ATP2C1: variants seen among roughly 807,000 people sequenced by gnomAD.
The protein encoded by ATP2C1 is ATPase secretory pathway Ca2+ transporting 1.
ATP2C1 carries 31 observed loss-of-function variants against 120.5 expected under a neutral mutation model. That is an observed-to-expected ratio of 0.26 (90% confidence interval 0.19 to 0.35). The LOEUF (loss-of-function observed/expected upper bound fraction) is 0.35. Ranked by LOEUF, ATP2C1 falls within the 10% of genes least tolerant of loss-of-function variation. The pLI is 1.00. For synonymous variants in ATP2C1, 351 were observed against 358.7 expected (o/e 0.98, Z 0.24); for missense variants, 731 against 1,107.5 (o/e 0.66, Z 4.83).
chr3:130,863,719 C>T (rs994239308), intron 1 of ATP2C1, among the ~76,000 whole-genome samples: 1 of 152,168 alleles, frequency 6.6e-6, no homozygotes, highest in African/African-American at 2.4e-5. Context: ...CCATGCTATT[C>T]TCATTATAGT....
chr3:130,993,033 C>A, intron 21 of ATP2C1, 32 bp downstream of exon 21: 1 of 1,580,750 alleles, frequency 6.3e-7, no homozygotes, highest in Non-Finnish European at 8.7e-7. Context: ...TGTTTTATTT[C>A]TGTATACAAA....
At chr3:130,932,891 G>C (rs2059509633) in intron 4 of ATP2C1, among the ~76,000 whole-genome samples, 1 of 152,090 alleles carries the variant, frequency 6.6e-6, no homozygotes. Flanking sequence ...AAATTTGCCA[G>C]GCTTAATTTT....
chr3:130,895,385 G>A (rs1314983945), intron 2 of ATP2C1, among the ~76,000 whole-genome samples: 2 of 152,166 alleles, frequency 1.3e-5, no homozygotes, highest in Non-Finnish European at 2.9e-5. Context: ...TGTACACTTT[G>A]GACACATTAG....
At chr3:130,894,012 C>G (rs989254721), upstream of ATP2C1, 2 of 986,418 alleles carry the variant, frequency 2.0e-6, no homozygotes, top group Non-Finnish European at 2.4e-6. The surrounding 1 kb of genome is among the most constrained non-coding windows in gnomAD (Gnocchi z 4.5). Context: ...TCGCGGCTGG[C>G]CCAGGAGTGC....
At chr3:130,873,379 A>G (rs1038673166) in intron 1 of ATP2C1, among the ~76,000 whole-genome samples, 1 of 152,218 alleles carries the variant, frequency 6.6e-6, no homozygotes, top group Admixed American at 6.5e-5. Flanking sequence ...GAAGCAATTA[A>G]TGAAATCTAG....
exon 27 of ATP2C1, chr3:131,016,439 A>T: frequency 1.5e-6 from 2 of 1,346,760 alleles, no homozygotes; most frequent in African/African-American, 1.5e-5. Context: ...AAAGAAATTA[A>T]TTTAAAAAAA....
chr3:131,003,098 C>T lies in ATP2C1; in HGVS notation c.*1748C>T. On this transcript the variant is annotated 3_prime_UTR_variant, in exon 28 of 28. Coordinates refer to ENST00000510168, the MANE Select transcript of ATP2C1 (RefSeq NM_001378687.1). ...TATGACTTGATTGAAATAAATGTGC[C>T]TATACATTCATTTGCTTTGTACTAT... 1.0e-6 allele frequency: 1 copy of T among 982,846 alleles called. No homozygotes were observed. The highest frequency in any genetic ancestry group is 1.2e-6 in the Non-Finnish European group (1 of 827,260). 60.9% of individuals were successfully genotyped at this position (982,846 alleles called of 1,614,324 possible).
At chr3:130,976,698 C>A (rs1027734332) in intron 18 of ATP2C1, among the ~76,000 whole-genome samples, 1 of 152,150 alleles carries the variant, frequency 6.6e-6, no homozygotes, top group African/African-American at 2.4e-5. Flanking sequence ...TGGATCCCCC[C>A]ACCTCAGTCC....
chr3:130,923,357 G>C (rs1177749606), intron 2 of ATP2C1, among the ~76,000 whole-genome samples: 1 of 151,830 alleles, frequency 6.6e-6, no homozygotes, highest in East Asian at 1.9e-4. Context: ...CTCCCGAGTA[G>C]CTGGGATTAC....
chr3:130,959,665 A>G (rs746736632), intron 12 of ATP2C1: 14 of 161,330 alleles, frequency 8.7e-5, no homozygotes, highest in Non-Finnish European at 4.1e-5. Context: ...AAATTGAATA[A>G]TCAATTTCAG....
intron 1 of ATP2C1, among the ~76,000 whole-genome samples, chr3:130,879,983 C>A (rs913485213): frequency 6.6e-6 from 1 of 152,002 alleles, no homozygotes; most frequent in Admixed American, 6.6e-5. Flanking sequence ...GATAGTGAAC[C>A]CTCATGTGGT....
intron 26 of ATP2C1, among the ~76,000 whole-genome samples, chr3:131,013,101 A>G (rs189354468): frequency 8.5e-5 from 13 of 152,302 alleles, no homozygotes; most frequent in East Asian, 7.7e-4. Flanking sequence ...ATCTTGCCCA[A>G]TGCATTTATT....
intron 2 of ATP2C1, among the ~76,000 whole-genome samples, chr3:130,901,929 C>T (rs749111532): frequency 6.6e-6 from 1 of 152,032 alleles, no homozygotes; most frequent in Non-Finnish European, 1.5e-5. Context: ...ATGCTACTGG[C>T]ATCCAGTGTG....
intron 8 of ATP2C1, 93 bp from the exon 9 acceptor site, chr3:130,953,728 G>T: frequency 7.7e-7 from 1 of 1,301,696 alleles, no homozygotes. Flanking sequence ...AATGGAAAAG[G>T]GATGTTTGAG....
chr3:130,940,488 T>A (rs1246077588), intron 6 of ATP2C1, 142 bp from the exon 7 acceptor site: 3 of 652,616 alleles, frequency 4.6e-6, no homozygotes, highest in Admixed American at 2.6e-5. Flanking sequence ...AGGGACAAGC[T>A]TTTCTGGGTA....
At chr3:130,967,558 T>G in intron 16 of ATP2C1, 139 bp downstream of exon 16, 1 of 734,382 alleles carries the variant, frequency 1.4e-6, no homozygotes, top group Admixed American at 2.4e-5. Flanking sequence ...TTACTATCTT[T>G]TAGGTATCAG....
chr3:131,016,169 G>A lies in ATP2C1; in HGVS notation c.2647G>A (p.Glu883Lys), dbSNP rs983654150. The A allele has an allele frequency of 1.1e-5, 18 of 1,613,930 alleles. No homozygotes were observed. The Admixed American group carries it at 1.7e-4, about 15-fold the overall frequency. ...CGAGTTAGGTCTGGCTCTGGGAGAGGAGTGGACAGCAGCTGGTTGAGATAC... is the reference window on the plus strand; with the variant it reads ...CGAGTTAGGTCTGGCTCTGGGAGAGAAGTGGACAGCAGCTGGTTGAGATAC... The change falls in exon 27 of 27, where the codon GAG (glutamate) becomes AAG (lysine). Residue 883 changes from glutamate (E) to lysine (K), a missense_variant. Physicochemically the swap from Glu to Lys is moderately conservative, Grantham distance 56 (BLOSUM62 1). Coordinates refer to the ATP2C1 transcript ENST00000328560.
intron 20 of ATP2C1, among the ~76,000 whole-genome samples, chr3:130,983,889 CCA>C (rs2061884099): frequency 6.6e-6 from 1 of 152,122 alleles, no homozygotes; most frequent in Non-Finnish European, 1.5e-5. Context: ...TATGAAAGTG[CCA>C]CAGTTTATCA....
intron 16 of ATP2C1, 145 bp downstream of exon 16, chr3:130,967,564 A>G (rs2061103822): frequency 2.8e-6 from 2 of 711,246 alleles, no homozygotes; most frequent in Non-Finnish European, 4.8e-6. Context: ...TCTTTTAGGT[A>G]TCAGTTTTAT....
Sources: gnomAD v4.1 joint callset for allele counts (sites outside exome capture counted in the v4.1 genomes callset) on GRCh38, gnomAD v4.1.1 for gene constraint, Gnocchi (gnomAD v3.1) non-coding constraint, MANE v1.5 for transcripts, NCBI Gene and HGNC (gene_info 2026-07-23, HGNC 2026-07-21) for gene names.